Variants in HMGXB4 observed in about 807,000 individuals in gnomAD.
HMGXB4 encodes the protein HMG domain-containing protein 4.
Under a neutral mutation model 63.9 loss-of-function variants are expected in HMGXB4, and 27 were observed. The ratio of observed to expected loss-of-function variants is 0.42; its 90% CI spans 0.31 to 0.58. The LOEUF (loss-of-function observed/expected upper bound fraction) is 0.58, where lower values mean the gene tolerates loss of function less well. Ranked by LOEUF, HMGXB4 falls within the 20% of genes least tolerant of loss-of-function variation. The pLI, the probability that HMGXB4 is intolerant of heterozygous loss-of-function variation, is 0.13. For missense variants in HMGXB4, 624 were observed against 700.7 expected (o/e 0.89, Z 1.24); for synonymous variants, 264 against 265.3 (o/e 0.99, Z 0.05).
the HMGXB4 span, among the ~76,000 whole-genome samples, chr22:35,252,339 C>T: frequency 6.6e-6 from 1 of 152,172 alleles, no homozygotes; most frequent in South Asian, 2.1e-4. Flanking sequence ...CTTGCATAAC[C>T]GAAACTTTAC....
At chr22:35,279,913 G>A (rs774781406) in intron 5 of HMGXB4, among the ~76,000 whole-genome samples, 2 of 152,050 alleles carry the variant, frequency 1.3e-5, no homozygotes, top group African/African-American at 2.4e-5. Context: ...TATTGAAGTA[G>A]GGTAGTGTCA....
the HMGXB4 span, among the ~76,000 whole-genome samples, chr22:35,249,601 G>C: frequency 2.2e-5 from 2 of 92,402 alleles, 1 homozygote; most frequent in Non-Finnish European, 6.2e-5. Context: ...CTGTGTTCAT[G>C]TGTTTTCTTA....
At chr22:35,248,467 C>T in the HMGXB4 span, among the ~76,000 whole-genome samples, 4 of 133,332 alleles carry the variant, frequency 3.0e-5, no homozygotes, top group African/African-American at 8.7e-5. Flanking sequence ...AGTGCAGTGG[C>T]GCAATCACAG....
At chr22:35,275,457 G>A (rs1923855283) in intron 5 of HMGXB4, among the ~76,000 whole-genome samples, 1 of 152,134 alleles carries the variant, frequency 6.6e-6, no homozygotes, top group South Asian at 2.1e-4. Context: ...GCAGTATTGT[G>A]CTTTAACTCC....
At chr22:35,258,284 C>G (rs753553217) in intron 1 of HMGXB4, 3 of 152,210 alleles carry the variant, frequency 2.0e-5, no homozygotes, top group Non-Finnish European at 4.4e-5. Context: ...CCACCAACTA[C>G]TACTTGTAGA....
the HMGXB4 span, among the ~76,000 whole-genome samples, chr22:35,252,140 A>G: frequency 6.6e-5 from 10 of 152,200 alleles, 2 homozygotes; most frequent in Non-Finnish European, 1.5e-4. Flanking sequence ...ACTTGAACCC[A>G]GGAGGTGGAG....
chr22:35,285,264 G>A (rs1181036489), intron 6 of HMGXB4, among the ~76,000 whole-genome samples: 1 of 152,178 alleles, frequency 6.6e-6, no homozygotes, highest in Admixed American at 6.5e-5. Flanking sequence ...TTAAAAAATA[G>A]CTGGGCGTGG....
chr22:35,265,236 A>G lies in HMGXB4; in HGVS notation c.848A>G (p.Asp283Gly). 5 of 1,614,110 alleles carry G rather than the reference A, an allele frequency of 3.1e-6. No individual in the cohort carries two copies. Among genetic ancestry groups the G allele is most frequent in the Non-Finnish European group, 3.4e-6 (4 of 1,180,018 alleles). ...GCAGAGTCCCACAGTGCTAACCTTG[A>G]TCTTTCAGGGCTTGAACCTATTCTG... ...QFAESHSANL[D>G]LSGLEPILVE... Residue 283 changes from aspartate to glycine, a missense_variant, in exon 5 of 11, where the codon GAT becomes GGT. This residue lies in a region of HMGXB4 where 472 missense variants were observed against 470.6 expected (regional missense o/e 1.00). Transcript: ENST00000216106.
In HMGXB4 at chr22:35,274,413, C is replaced by T. The variant is rs535568679; in HGVS notation, c.1215+8810C>T. 2.0e-5 allele frequency among the ~76,000 whole-genome samples: 3 copies of T among 152,200 alleles called. No homozygotes were observed. In the South Asian group the frequency reaches 6.2e-4, roughly 32 times the overall value. ...GAAGAATTGCTGCCAGGCTGGCCTT[C>T]TAGGAAGGGGCAGGAGAACTGAGTA... On this transcript the variant is annotated intron_variant, in intron 5 of 10. Coordinates refer to ENST00000216106, the MANE Select transcript of HMGXB4 (RefSeq NM_001003681.3).
rs370732199 is a variant in HMGXB4 at position 35,265,168 on chromosome 22, A to G, written c.780A>G (p.Ser260=). The G allele has an allele frequency of 6.2e-7, 1 of 1,614,014 alleles. No homozygotes were observed. Among genetic ancestry groups the G allele is most frequent in the African/African-American group, 1.3e-5 (1 of 74,922 alleles). Residue 260 remains serine (S), a synonymous_variant, in exon 5 of 11, where the codon TCA becomes TCG. Transcript: ENST00000216106. The part of the protein sequence containing the change: ...KKHKSSSDAH[S]SPGPEGCGSD... Reference sequence around the variant, plus strand: ...ACAAGTCATCCTCAGACGCACATTCATCTCCTGGCCCTGAAGGCTGTGGGT... The same window carrying G: ...ACAAGTCATCCTCAGACGCACATTCGTCTCCTGGCCCTGAAGGCTGTGGGT...
rs181326492 is a variant in HMGXB4, at chr22:35,259,267, T to C, written c.-69+1710T>C. 3.1e-3 allele frequency among the ~76,000 whole-genome samples: 478 copies of C among 152,400 alleles called. 1 individual carries two copies. Among genetic ancestry groups the C allele is most frequent in the Admixed American group, 6.4e-3 (98 of 15,312 alleles). On this transcript the variant is annotated intron_variant, in intron 1 of 10. Transcript: ENST00000216106. Reference sequence around the variant, plus strand: ...GTATGAAATAGTGAACTTTTACTTATGTTGTCATATCTTAGCACACTGAGA... The same window carrying C: ...GTATGAAATAGTGAACTTTTACTTACGTTGTCATATCTTAGCACACTGAGA...
At position 35,288,384 on chromosome 22, in the gene HMGXB4, G is replaced by A; in HGVS notation, c.1615G>A (p.Gly539Arg). The A allele has an allele frequency of 6.2e-7, 1 of 1,603,450 alleles. No homozygotes were observed. The highest frequency in any genetic ancestry group is 8.5e-7 in the Non-Finnish European group (1 of 1,173,938). Residue 539 changes from glycine to arginine, a missense_variant, in exon 9 of 11, where the codon GGA becomes AGA. Physicochemically the swap from Gly to Arg is moderately radical, Grantham distance 125 (BLOSUM62 -2). Transcript: ENST00000216106. Reference protein sequence around the residue: ...QLLGESLSLIGHRLQETEGMV... With the variant: ...QLLGESLSLIRHRLQETEGMV... ...GTTGGGAGAGTCCCTAAGCCTCATT[G>A]GACACCGTCTGCAGGAAACTGAGGT...
At chr22:35,278,893 A>G (rs1297077819) in intron 5 of HMGXB4, among the ~76,000 whole-genome samples, 1 of 151,308 alleles carries the variant, frequency 6.6e-6, no homozygotes, top group Non-Finnish European at 1.5e-5. Context: ...AAAAAAAAAA[A>G]AAAATTAGCC....
At chr22:35,259,978 G>GT (rs1388939480) in intron 1 of HMGXB4, among the ~76,000 whole-genome samples, 4 of 152,152 alleles carry the variant, frequency 2.6e-5, no homozygotes, top group African/African-American at 7.2e-5. Flanking sequence ...TAATCCACTA[G>GT]TTTTTTAAAG....
chr22:35,285,467 C>A (rs532116686), intron 6 of HMGXB4, among the ~76,000 whole-genome samples: 3 of 152,280 alleles, frequency 2.0e-5, no homozygotes, highest in African/African-American at 7.2e-5. Flanking sequence ...ATCACTTGAA[C>A]CTAGGAGGCA....
intron 5 of HMGXB4, among the ~76,000 whole-genome samples, chr22:35,280,287 G>A (rs1221424847): frequency 6.6e-6 from 1 of 152,168 alleles, no homozygotes; most frequent in Non-Finnish European, 1.5e-5. Flanking sequence ...ACACACCAAT[G>A]GAGTAATTCC....
At chr22:35,259,438 T>C (rs1922697392) in intron 1 of HMGXB4, among the ~76,000 whole-genome samples, 1 of 152,196 alleles carries the variant, frequency 6.6e-6, no homozygotes, top group Admixed American at 6.5e-5. Flanking sequence ...AATGTGAAAA[T>C]CAAACCTAAT....
the HMGXB4 span, among the ~76,000 whole-genome samples, chr22:35,244,299 T>G: frequency 6.0e-4 from 1 of 1,654 alleles, no homozygotes; most frequent in African/African-American, 9.1e-4. Context: ...TCTTTTTTCT[T>G]TTTTTTTTTT....
intron 5 of HMGXB4, among the ~76,000 whole-genome samples, chr22:35,270,434 C>T (rs1923536723): frequency 6.6e-6 from 1 of 152,160 alleles, no homozygotes; most frequent in South Asian, 2.1e-4. Context: ...TTATATGTTA[C>T]AATGTAATAC....
Sources: gnomAD v4.1 joint callset for allele counts (sites outside exome capture counted in the v4.1 genomes callset) on GRCh38, gnomAD v4.1.1 for gene constraint, gnomAD v4.1.1 regional missense constraint, MANE v1.5 for transcripts, NCBI Gene and HGNC (gene_info 2026-07-23, HGNC 2026-07-21) for gene names.